The following ZBBX variants were observed in gnomAD, a reference collection of about 807,000 sequenced individuals.
ZBBX encodes the protein zinc finger B-box domain-containing protein 1.
A neutral mutation model predicts 108.5 loss-of-function variants in ZBBX; 101 were observed. The observed-to-expected ratio is 0.93, with a 90% CI of 0.79 to 1.10. ZBBX has a LOEUF of 1.10. Among genes scored for constraint, ZBBX ranks in the 50% least tolerant of loss-of-function variants. The pLI is 0.00. For synonymous variants in ZBBX, 356 were observed against 323.4 expected (o/e 1.10, Z -1.08); for missense variants, 1,009 against 941.4 (o/e 1.07, Z -0.94).
downstream of ZBBX, among the ~76,000 whole-genome samples, chr3:167,239,308 A>G (rs974870234): frequency 1.3e-5 from 2 of 152,082 alleles, no homozygotes; most frequent in African/African-American, 4.8e-5. Context: ...ATCTAACCTA[A>G]AAAAATACTC....
the ZBBX span, among the ~76,000 whole-genome samples, chr3:167,226,870 T>A: frequency 6.6e-6 from 1 of 151,726 alleles, no homozygotes; most frequent in Non-Finnish European, 1.5e-5. Context: ...TGTACTTGCC[T>A]TATTCTCTTT....
chr3:167,369,104 A>T (rs1377995952), intron 4 of ZBBX, among the ~76,000 whole-genome samples: 1 of 152,170 alleles, frequency 6.6e-6, no homozygotes, highest in South Asian at 2.1e-4. Context: ...CCCTATTAAC[A>T]GTTTTGGTAC....
At chr3:167,279,941 C>T (rs1422507676) in intron 20 of ZBBX, among the ~76,000 whole-genome samples, 1 of 151,792 alleles carries the variant, frequency 6.6e-6, no homozygotes, top group Non-Finnish European at 1.5e-5. Flanking sequence ...AGAAATAACG[C>T]CGCATATCTA....
the ZBBX span, among the ~76,000 whole-genome samples, chr3:167,227,698 T>C: frequency 6.6e-6 from 1 of 151,776 alleles, no homozygotes; most frequent in Admixed American, 6.6e-5. Flanking sequence ...CTGAAAGTTC[T>C]TCAGGGACCA....
rs139004834 is a variant in ZBBX, at chr3:167,363,888, A to T, written c.273+1998T>A. ...AAATATTTTCATTATCCAGAAATAGACATTTTAATGTAATGTTTAGGTATC... is the reference window on the plus strand; with the variant it reads ...AAATATTTTCATTATCCAGAAATAGTCATTTTAATGTAATGTTTAGGTATC... On this transcript the variant is annotated intron_variant, in intron 6 of 21. Transcript: ENST00000675490. Among the ~76,000 whole-genome samples, 90 of 152,202 alleles carry T rather than the reference A, an allele frequency of 5.9e-4. 1 individual carries two copies. The East Asian group carries it at 0.014, about 23-fold the overall frequency.
At chr3:167,281,873 A>G (rs1405499604) in intron 20 of ZBBX, among the ~76,000 whole-genome samples, 1 of 152,204 alleles carries the variant, frequency 6.6e-6, no homozygotes. Context: ...TAATGGCTCA[A>G]TTTTCCAATA....
At chr3:167,396,017 C>A (rs1244365285) in intron 1 of ZBBX, among the ~76,000 whole-genome samples, 8 of 151,996 alleles carry the variant, frequency 5.3e-5, no homozygotes, top group Admixed American at 4.6e-4. Flanking sequence ...TCAAAAATCA[C>A]TTGAGGAAGA....
chr3:167,292,313 C>G (rs1426485756), intron 18 of ZBBX, among the ~76,000 whole-genome samples: 1 of 152,160 alleles, frequency 6.6e-6, no homozygotes, highest in Non-Finnish European at 1.5e-5. Context: ...AAGTAAAACC[C>G]TCCTCAGCAA....
chr3:167,231,656 T>G, the ZBBX span, among the ~76,000 whole-genome samples: 1 of 151,762 alleles, frequency 6.6e-6, no homozygotes, highest in African/African-American at 2.4e-5. Flanking sequence ...TTCAAAGAAA[T>G]CTATTTTGCA....
chr3:167,294,712 A>C (rs1731318585), intron 18 of ZBBX, among the ~76,000 whole-genome samples: 1 of 152,204 alleles, frequency 6.6e-6, no homozygotes. Flanking sequence ...AATTAAACTA[A>C]AGGGCTTCTG....
chr3:167,240,572 A>T lies in ZBBX; in HGVS notation c.*221T>A. On this transcript the variant is annotated 3_prime_UTR_variant, in exon 22 of 22. Transcript: ENST00000675490. ...TCTTCAAATTCACCATATTTTACTA[A>T]CATAATCTGCAATATAGATTAGTGG... 1 of 366,124 alleles carries T rather than the reference A, an allele frequency of 2.7e-6. No homozygotes were observed. The highest frequency in any genetic ancestry group is 4.9e-6 in the Non-Finnish European group (1 of 205,134). The allele number at this position is 366,124 out of a possible 1,614,324, so 22.7% of individuals were successfully genotyped here.
At chr3:167,182,992 G>A in the ZBBX span, among the ~76,000 whole-genome samples, 79 of 152,194 alleles carry the variant, frequency 5.2e-4, no homozygotes, top group African/African-American at 1.8e-3. Flanking sequence ...GAGAGTGGTC[G>A]CTCTAGGCGC....
At chr3:167,213,828 G>A in the ZBBX span, among the ~76,000 whole-genome samples, 1 of 152,122 alleles carries the variant, frequency 6.6e-6, no homozygotes, top group Non-Finnish European at 1.5e-5. Context: ...GCTAATAGCA[G>A]ACCTCTCAGC....
intron 19 of ZBBX, among the ~76,000 whole-genome samples, chr3:167,287,842 T>G (rs1163973321): frequency 1.3e-5 from 2 of 152,088 alleles, no homozygotes; most frequent in East Asian, 1.9e-4. Flanking sequence ...CCTAAAAATT[T>G]TATATCTGAC....
the ZBBX span, among the ~76,000 whole-genome samples, chr3:167,217,043 A>G: frequency 6.6e-6 from 1 of 152,160 alleles, no homozygotes; most frequent in Admixed American, 6.6e-5. Context: ...TGGTAACACA[A>G]TCCTGGACCT....
At chr3:167,237,259 T>C (rs1443031594), downstream of ZBBX, among the ~76,000 whole-genome samples, 3 of 151,836 alleles carry the variant, frequency 2.0e-5, no homozygotes, top group East Asian at 5.8e-4. Context: ...TCAATGAATA[T>C]AAAAAATACT....
At chr3:167,405,517 T>G (rs1748554429) in intron 1 of ZBBX, among the ~76,000 whole-genome samples, 1 of 152,184 alleles carries the variant, frequency 6.6e-6, no homozygotes, top group South Asian at 2.1e-4. Flanking sequence ...GAACAAAAAG[T>G]TACTCCTGAC....
At chr3:167,320,019 CACGCACGTGTGTGTGTGTGT>C (rs1255652346) in intron 12 of ZBBX, among the ~76,000 whole-genome samples, 2 of 150,602 alleles carry the variant, frequency 1.3e-5, no homozygotes, top group African/African-American at 2.4e-5. Flanking sequence ...TGTGTGTGTG[CACGCACGTGTGTGTGTGTGT>C]ACTTCCCAGT....
At chr3:167,390,448 A>C (rs1748052364) in intron 1 of ZBBX, among the ~76,000 whole-genome samples, 1 of 150,248 alleles carries the variant, frequency 6.7e-6, no homozygotes, top group Non-Finnish European at 1.5e-5. Flanking sequence ...TTTGCTTAGG[A>C]TTATCTTGGC....
Sources: gnomAD v4.1 joint callset for allele counts (sites outside exome capture counted in the v4.1 genomes callset) on GRCh38, gnomAD v4.1.1 for gene constraint, MANE v1.5 for transcripts, NCBI Gene and HGNC (gene_info 2026-07-23, HGNC 2026-07-21) for gene names.